Variants in USH2A observed in about 807,000 individuals in gnomAD.
The protein encoded by USH2A is Usher syndrome 2A (autosomal recessive, mild).
USH2A carries 443 observed loss-of-function variants against 538.9 expected under a neutral mutation model. That is an observed-to-expected ratio of 0.82 (90% CI 0.76 to 0.89). USH2A has a LOEUF of 0.89. Ranked by LOEUF, USH2A falls within the 40% of genes least tolerant of loss-of-function variation. The pLI is 0.00. For synonymous variants in USH2A, 2,413 were observed against 2,273.5 expected (o/e 1.06, Z -1.75); for missense variants, 6,633 against 6,324.8 (o/e 1.05, Z -1.65).
At chr1:216,037,532 A>G (rs140065751) in intron 32 of USH2A, among the ~76,000 whole-genome samples, 61 of 152,236 alleles carry the variant, frequency 4.0e-4, no homozygotes, top group African/African-American at 1.3e-3. Context: ...TGGTAAAGCC[A>G]TATTTCAACT....
At chr1:216,180,360 T>C (rs2102645964) in intron 20 of USH2A, among the ~76,000 whole-genome samples, 1 of 152,226 alleles carries the variant, frequency 6.6e-6, no homozygotes, top group African/African-American at 2.4e-5. Context: ...AAATAGCACT[T>C]GTATTTTTTA....
chr1:216,383,675 ATTTG>A lies in USH2A; in HGVS notation c.652-18594_652-18591del, dbSNP rs142516869. ...TCACGTATAATTCTTTTCACATGTA[ATTTG>A]TTTGTTTGTTTGTTTTGCGAGAGGA... On this transcript the variant is annotated intron_variant, in intron 3 of 71. Transcript: ENST00000307340. Among the ~76,000 whole-genome samples the A allele has an allele frequency of 2.6e-3, 402 of 151,882 alleles. 2 individuals carry two copies. The highest frequency in any genetic ancestry group is 7.7e-3 in the African/African-American group (320 of 41,444).
chr1:215,803,331 G>A (rs1402838623), intron 49 of USH2A, among the ~76,000 whole-genome samples: 1 of 152,140 alleles, frequency 6.6e-6, no homozygotes, highest in Non-Finnish European at 1.5e-5. Context: ...TAGGAAAAGA[G>A]GAAGTCAAAT....
rs1452368986 is a variant in USH2A at position 215,790,042 on chromosome 1, G to T, written c.10182+17C>A. 6.2e-7 allele frequency: 1 copy of T among 1,609,634 alleles called. No homozygotes were observed. On this transcript the variant is annotated intron_variant, in intron 51 of 71. Coordinates refer to ENST00000307340, the MANE Select transcript of USH2A (RefSeq NM_206933.4). Reference sequence around the variant, plus strand: ...CATTGTCAAATCAGCGCCTCCGAGAGCTTTTCTATCAATTACCTTCATCAT... The same window carrying T: ...CATTGTCAAATCAGCGCCTCCGAGATCTTTTCTATCAATTACCTTCATCAT...
intron 13 of USH2A, among the ~76,000 whole-genome samples, chr1:216,243,974 T>C (rs903186049): frequency 6.6e-6 from 1 of 152,170 alleles, no homozygotes; most frequent in Non-Finnish European, 1.5e-5. Context: ...AAATTGAACA[T>C]GAAGACAATA....
At chr1:215,921,967 C>T (rs190266605) in intron 38 of USH2A, among the ~76,000 whole-genome samples, 1 of 152,154 alleles carries the variant, frequency 6.6e-6, no homozygotes, top group South Asian at 2.1e-4. Flanking sequence ...TAATTTTTCT[C>T]TAGATACTGG....
intron 11 of USH2A, among the ~76,000 whole-genome samples, chr1:216,258,464 T>G (rs1425575534): frequency 6.6e-6 from 1 of 152,078 alleles, no homozygotes; most frequent in East Asian, 1.9e-4. Flanking sequence ...GTAAAGTGAA[T>G]TCTTAAGGAA....
chr1:216,322,293 T>A (rs2102651166), intron 8 of USH2A, among the ~76,000 whole-genome samples: 1 of 152,212 alleles, frequency 6.6e-6, no homozygotes, highest in Middle Eastern at 3.4e-3. Flanking sequence ...CTACACTATT[T>A]AAAATACAGT....
intron 29 of USH2A, among the ~76,000 whole-genome samples, chr1:216,071,211 A>G (rs554876252): frequency 6.6e-6 from 1 of 152,264 alleles, no homozygotes; most frequent in East Asian, 1.9e-4. Flanking sequence ...TTCCACATCA[A>G]ATCTCCTCCT....
intron 37 of USH2A, among the ~76,000 whole-genome samples, chr1:215,962,658 TAC>T (rs10562094): frequency 0.64 from 96,851 of 151,214 alleles, 31,721 homozygotes; most frequent in East Asian, 0.87. Context: ...TGTTTATGTA[TAC>T]ACACACACAC....
At chr1:215,917,022 G>GAA (rs961843646) in intron 38 of USH2A, among the ~76,000 whole-genome samples, 5 of 152,230 alleles carry the variant, frequency 3.3e-5, no homozygotes, top group Non-Finnish European at 5.9e-5. Context: ...TGTGCTCAGA[G>GAA]AAAAATAGCG....
chr1:216,174,638 G>A (rs956018034), intron 21 of USH2A: 1 of 984,606 alleles, frequency 1.0e-6, no homozygotes, highest in African/African-American at 1.7e-5. Context: ...CGAAACAAGA[G>A]CCTCACTTGC....
intron 22 of USH2A, 128 bp from the exon 23 acceptor site, chr1:216,089,267 A>C (rs922719783): frequency 9.7e-7 from 1 of 1,027,286 alleles, no homozygotes; most frequent in Middle Eastern, 2.3e-4. Context: ...CATACATTTC[A>C]AACAGAACTC....
intron 64 of USH2A, among the ~76,000 whole-genome samples, chr1:215,655,642 C>G (rs1657216538): frequency 6.6e-6 from 1 of 151,052 alleles, no homozygotes; most frequent in Admixed American, 6.6e-5. Flanking sequence ...CATCAGTCTG[C>G]ACAGGATGGG....
chr1:215,988,667 T>A (rs1222147915), intron 35 of USH2A, among the ~76,000 whole-genome samples: 1 of 152,226 alleles, frequency 6.6e-6, no homozygotes, highest in Non-Finnish European at 1.5e-5. Flanking sequence ...TTCCAGAACA[T>A]GTTGTTTTCT....
rs78740362 is a variant in USH2A, at chr1:215,695,302, G to A, written c.12067-14926C>T. Among the ~76,000 whole-genome samples the A allele has an allele frequency of 5.2e-3, 789 of 152,280 alleles. 7 individuals are homozygous for A. Among genetic ancestry groups the A allele is most frequent in the African/African-American group, 0.018 (750 of 41,564 alleles). On this transcript the variant is annotated intron_variant, in intron 61 of 71. Coordinates refer to ENST00000307340, the MANE Select transcript of USH2A (RefSeq NM_206933.4). The stretch of plus-strand genomic sequence containing the variant: ...TTTCCCACTTTTATTGCATTAGGTA[G>A]TGAGATTTGGAATTTTATTTGTTAC...
intron 30 of USH2A, among the ~76,000 whole-genome samples, 153 bp downstream of exon 30, chr1:216,069,948 C>A (rs2031501482): frequency 6.6e-6 from 1 of 152,140 alleles, no homozygotes; most frequent in Non-Finnish European, 1.5e-5. Context: ...TAGATGCAGG[C>A]TTCCACTACT....
intron 61 of USH2A, among the ~76,000 whole-genome samples, chr1:215,690,231 T>A (rs1365290068): frequency 6.6e-6 from 1 of 152,058 alleles, no homozygotes; most frequent in African/African-American, 2.4e-5. Context: ...CCCACAGAGA[T>A]GGTAGCTAAA....
rs1656705339 is a variant in USH2A, at chr1:215,642,098, T to C, written c.14792-1364A>G. 3.3e-5 allele frequency among the ~76,000 whole-genome samples: 5 copies of C among 152,332 alleles called. No homozygotes were observed. In the South Asian group the frequency reaches 1.0e-3, roughly 32 times the overall value. ...CAAGAAAATAGAAAGATAGGAGTCT[T>C]ATTTGTCCTGTAGGGTTTGGAGACC... On this transcript the variant is annotated intron_variant, in intron 67 of 71. Transcript: ENST00000307340.
Sources: gnomAD v4.1 joint callset for allele counts (sites outside exome capture counted in the v4.1 genomes callset) on GRCh38, gnomAD v4.1.1 for gene constraint, MANE v1.5 for transcripts, NCBI Gene and HGNC (gene_info 2026-07-23, HGNC 2026-07-21) for gene names.